Variants in CHD7 observed in about 807,000 individuals in gnomAD.
CHD7 encodes the protein chromodomain helicase DNA binding protein 7.
Under a neutral mutation model 307.3 loss-of-function variants are expected in CHD7, and 24 were observed. The observed-to-expected ratio is 0.08, with a 90% CI of 0.06 to 0.11. The LOEUF (loss-of-function observed/expected upper bound fraction) is 0.11. Among genes scored for constraint, CHD7 ranks in the 10% least tolerant of loss-of-function variants. CHD7 has a pLI of 1.00. For missense variants in CHD7, 3,106 were observed against 3,727.1 expected, an observed-to-expected ratio of 0.83 and a Z score of 4.34; for synonymous variants, 1,363 against 1,349.9, an observed-to-expected ratio of 1.01 and a Z score of -0.21.
At chr8:60,728,183 A>G (rs1808265178) in intron 1 of CHD7, among the ~76,000 whole-genome samples, 2 of 152,248 alleles carry the variant, frequency 1.3e-5, no homozygotes, top group African/African-American at 2.4e-5. Context: ...TTGCCAGGCC[A>G]TGTTACCTTG....
chr8:60,756,239 CTT>C lies in CHD7; in HGVS notation c.1665+13145_1665+13146del, dbSNP rs1314153042. Among the ~76,000 whole-genome samples the C allele has an allele frequency of 5.9e-5, 9 of 152,148 alleles. No homozygotes were observed. The South Asian group carries it at 6.2e-4, about 11-fold the overall frequency. On this transcript the variant is annotated intron_variant, in intron 2 of 37. Coordinates refer to ENST00000423902, the MANE Select transcript of CHD7 (RefSeq NM_017780.4). The stretch of plus-strand genomic sequence containing the variant: ...AGCCAGTGTAAGCTTTGTGTTTCCA[CTT>C]TTATTCTCTCTCACCTCTTAATAGG...
intron 1 of CHD7, among the ~76,000 whole-genome samples, chr8:60,730,969 C>G (rs1187530598): frequency 1.3e-5 from 2 of 152,186 alleles, no homozygotes; most frequent in African/African-American, 4.8e-5. Flanking sequence ...CCTGCACTGT[C>G]CCATCCAGGA....
At chr8:60,759,211 G>A (rs1387329986) in intron 2 of CHD7, among the ~76,000 whole-genome samples, 1 of 152,132 alleles carries the variant, frequency 6.6e-6, no homozygotes, top group African/African-American at 2.4e-5. Flanking sequence ...AAATCTAACT[G>A]TGTTTGGGAG....
At chr8:60,760,678 A>G (rs1354619631) in intron 2 of CHD7, among the ~76,000 whole-genome samples, 2 of 151,630 alleles carry the variant, frequency 1.3e-5, no homozygotes, top group African/African-American at 2.4e-5. Flanking sequence ...CAAAAAGTGG[A>G]CAAAGGACAT....
Position 60,865,901 on chromosome 8 carries a change from G to A in CHD7, c.8962G>A (p.Asp2988Asn). 3 of 1,607,714 alleles carry A rather than the reference G, an allele frequency of 1.9e-6. No homozygotes were observed. The highest frequency in any genetic ancestry group is 2.5e-6 in the Non-Finnish European group (3 of 1,177,000). The change falls in exon 38 of 38, where the codon GAT (aspartate) becomes AAT (asparagine). Residue 2988 changes from aspartate to asparagine, a missense_variant. Physicochemically the swap from Asp to Asn is conservative, Grantham distance 23. Coordinates refer to ENST00000423902, the MANE Select transcript of CHD7 (RefSeq NM_017780.4). This position sits in a 1 kb window ranked among gnomAD's most constrained non-coding sequence, Gnocchi z 4.3. ...GEELDSLDGG[D>N]EIENNENDE ...AGAGCTAGACTCACTTGATGGGGGGGATGAAATAGAAAACAATGAAAATGA... is the reference window on the plus strand; with the variant it reads ...AGAGCTAGACTCACTTGATGGGGGGAATGAAATAGAAAACAATGAAAATGA...
intron 8 of CHD7, among the ~76,000 whole-genome samples, chr8:60,819,361 C>T (rs1803912071): frequency 6.6e-6 from 1 of 152,102 alleles, no homozygotes; most frequent in Admixed American, 6.5e-5. Flanking sequence ...TTAAATGAGC[C>T]AATTATTTAG....
chr8:60,702,068 T>A (rs191319283), intron 1 of CHD7, among the ~76,000 whole-genome samples: 1 of 152,228 alleles, frequency 6.6e-6, no homozygotes, highest in Non-Finnish European at 1.5e-5. Flanking sequence ...CTCCACTCAC[T>A]AGCTTTGTGA....
At chr8:60,752,829 A>T (rs1031736743) in intron 2 of CHD7, among the ~76,000 whole-genome samples, 1 of 152,222 alleles carries the variant, frequency 6.6e-6, no homozygotes, top group Non-Finnish European at 1.5e-5. Flanking sequence ...AAGTTTAACC[A>T]CTTTGGAGTG....
In CHD7 at chr8:60,781,975, G is replaced by A. The variant is rs1423680908; in HGVS notation, c.2096+545G>A. ...TTGGATATGCATTCAAGAGTAGCAT[G>A]AATTTTAGGTTCTAGGGAAGACCCT... On this transcript the variant is annotated intron_variant, in intron 3 of 37. Transcript: ENST00000423902. Among the ~76,000 whole-genome samples, 4 of 152,158 alleles carry A rather than the reference G, an allele frequency of 2.6e-5. No individual in the cohort carries two copies. The East Asian group carries it at 7.7e-4, about 29-fold the overall frequency.
rs149348445 is a variant in CHD7 at position 60,844,833 on chromosome 8, C to T, written c.4851-31C>T. On this transcript the variant is annotated intron_variant, in intron 21 of 37. Transcript: ENST00000423902. ...AAAGCCATAAATCAAAACTCACAGG[C>T]ACCTCTGCATGCTGGATATTTGCTT... 148 of 1,519,250 alleles carry T rather than the reference C, an allele frequency of 9.7e-5. No homozygotes were observed. In the East Asian group the frequency reaches 3.1e-3, roughly 32 times the overall value. The allele number at this position is 1,519,250 out of a possible 1,614,324, so 94.1% of individuals were successfully genotyped here.
Position 60,845,367 on chromosome 8 carries a change from A to G in CHD7, c.5168A>G (p.Gln1723Arg). 6.2e-7 allele frequency: 1 copy of G among 1,614,058 alleles called. No homozygotes were observed. Among genetic ancestry groups the G allele is most frequent in the Non-Finnish European group, 8.5e-7 (1 of 1,179,896 alleles). The part of the protein sequence containing the change: ...LASCNPDALF[Q>R]EDSYKKHLKH... The stretch of plus-strand genomic sequence containing the variant: ...AGCTGCAACCCAGATGCCCTGTTCC[A>G]GGAGGACAGCTACAAGAAACACCTG... Residue 1723 changes from glutamine to arginine, a missense_variant, in exon 23 of 38, where the codon CAG becomes CGG. Coordinates refer to ENST00000423902, the MANE Select transcript of CHD7 (RefSeq NM_017780.4).
intron 14 of CHD7, among the ~76,000 whole-genome samples, chr8:60,829,130 G>A (rs189373086): frequency 1.3e-5 from 2 of 152,280 alleles, no homozygotes; most frequent in East Asian, 3.9e-4. Flanking sequence ...GATGTCAGAC[G>A]CCACTGACGT....
rs115374542 is a variant in CHD7, at chr8:60,755,521, A to G, written c.1665+12424A>G. ...TCCAACTTTATACACTATAGTTTTTAAATATTTTTAACAATATTTTAATGT... is the reference window on the plus strand; with the variant it reads ...TCCAACTTTATACACTATAGTTTTTGAATATTTTTAACAATATTTTAATGT... On this transcript the variant is annotated intron_variant, in intron 2 of 37. Transcript: ENST00000423902. Among the ~76,000 whole-genome samples the G allele has an allele frequency of 3.2e-3, 485 of 152,234 alleles. 2 individuals are homozygous for G. Among genetic ancestry groups the G allele is most frequent in the African/African-American group, 0.011 (439 of 41,576 alleles).
intron 12 of CHD7, 70 bp from the exon 13 acceptor site, chr8:60,823,770 T>C: frequency 8.1e-7 from 1 of 1,236,888 alleles, no homozygotes; most frequent in Non-Finnish European, 1.2e-6. Context: ...TGTTTTATGC[T>C]ATTTATTCAT....
Position 60,742,389 on chromosome 8 carries a change from T to C in CHD7, c.957T>C (p.Asn319=), listed in dbSNP as rs1394266543. The change falls in exon 2 of 38, where the codon AAT becomes AAC. Residue 319 remains asparagine (N), a synonymous_variant. Transcript: ENST00000423902. The part of the protein sequence containing the change: ...QYSRYPYSNL[N]QGLVNNTGMN... ...CTCGATATCCTTACAGTAACCTAAATCAGGGATTAGTTAACAATACAGGGA... is the reference window on the plus strand; with the variant it reads ...CTCGATATCCTTACAGTAACCTAAACCAGGGATTAGTTAACAATACAGGGA... 6.2e-7 allele frequency: 1 copy of C among 1,613,924 alleles called. No homozygotes were observed. Among genetic ancestry groups the C allele is most frequent in the East Asian group, 2.2e-5 (1 of 44,888 alleles).
intron 6 of CHD7, among the ~76,000 whole-genome samples, chr8:60,807,893 C>CG (rs1490754054): frequency 3.3e-5 from 5 of 152,228 alleles, no homozygotes; most frequent in Admixed American, 2.6e-4. Context: ...GTACACTTGG[C>CG]GTCTACTTAA....
At chr8:60,778,014 C>G (rs530309852) in intron 2 of CHD7, among the ~76,000 whole-genome samples, 115 of 146,048 alleles carry the variant, frequency 7.9e-4, no homozygotes, top group African/African-American at 2.8e-3. Context: ...GATTACCTGT[C>G]AGGCAGTGGG....
chr8:60,694,544 G>T (rs1183587185), intron 1 of CHD7, among the ~76,000 whole-genome samples: 2 of 152,238 alleles, frequency 1.3e-5, no homozygotes, highest in East Asian at 3.9e-4. Context: ...GAGTGATAAT[G>T]TGAAAAAAAT....
chr8:60,842,397 G>A (rs1805013469), intron 21 of CHD7, among the ~76,000 whole-genome samples: 1 of 152,200 alleles, frequency 6.6e-6, no homozygotes, highest in African/African-American at 2.4e-5. Context: ...TAAAATTTAT[G>A]ACTGTCGTAA....
Sources: allele counts gnomAD v4.1 joint callset (sites outside exome capture counted in the v4.1 genomes callset), GRCh38; gene constraint gnomAD v4.1.1; non-coding constraint Gnocchi (gnomAD v3.1); transcripts MANE v1.5; gene names NCBI Gene and HGNC (gene_info 2026-07-23, HGNC 2026-07-21).